Variants in ITGA11 observed in about 807,000 individuals in gnomAD.
ITGA11 encodes integrin alpha-11.
In ITGA11, 97 loss-of-function variants were observed where a neutral mutation model predicts 141.9. That is an observed-to-expected ratio of 0.68 (90% CI 0.58 to 0.81). ITGA11 has a LOEUF of 0.81. ITGA11 is among the 30% of genes least tolerant of loss of function. The probability of loss-of-function intolerance (pLI) is 0.00; values close to 1 mark genes in which losing one functional copy is unlikely to be tolerated. For synonymous variants in ITGA11, 658 were observed against 624.6 expected (o/e 1.05, Z -0.80); for missense variants, 1,387 against 1,559.2 (o/e 0.89, Z 1.86).
intron 1 of ITGA11, among the ~76,000 whole-genome samples, chr15:68,426,188 C>A (rs181217699): frequency 6.6e-6 from 1 of 152,222 alleles, no homozygotes; most frequent in African/African-American, 2.4e-5. Context: ...ATTCCTTGGG[C>A]TCAAGGCACA....
Position 68,357,155 on chromosome 15 carries a change from C to A in ITGA11, c.745G>T (p.Ala249Ser), listed in dbSNP as rs748517943. 1 of 1,609,434 alleles carries A rather than the reference C, an allele frequency of 6.2e-7. No individual in the cohort carries two copies. The highest frequency in any genetic ancestry group is 8.5e-7 in the Non-Finnish European group (1 of 1,178,772). ...TTTGTTCTACTTTTTTTTTACCGTG[C>A]AAATTCAATGCCAAATGCCGTCCGG... ...ETRTAFGIEF[A>S]RSEAFQKGGR... The change falls in exon 7 of 30, where the codon GCA (alanine) becomes TCA (serine). Residue 249 changes from alanine to serine, a missense_variant. Transcript: ENST00000315757.
intron 1 of ITGA11, among the ~76,000 whole-genome samples, chr15:68,430,330 T>C (rs978332500): frequency 6.6e-6 from 1 of 152,194 alleles, no homozygotes; most frequent in Non-Finnish European, 1.5e-5. Context: ...AGTGCCTTAG[T>C]GCATCCTGAC....
rs945246742 is a variant in ITGA11, at chr15:68,328,376, G to A, written c.1902-114C>T. The A allele has an allele frequency of 3.3e-6, 3 of 918,342 alleles. No individual in the cohort carries two copies. Among genetic ancestry groups the A allele is most frequent in the South Asian group, 1.6e-5 (1 of 61,982 alleles). The allele number at this position is 918,342 out of a possible 1,614,324, so 56.9% of individuals were successfully genotyped here. Reference sequence around the variant, plus strand: ...GTGGGATCTGCAAAGCCACTGGAGGGGGTGAGGTGGAGGATGGAGGGGGCG... The same window carrying A: ...GTGGGATCTGCAAAGCCACTGGAGGAGGTGAGGTGGAGGATGGAGGGGGCG... On this transcript the variant is annotated intron_variant, in intron 15 of 29. Transcript: ENST00000315757. The surrounding 1 kb of genome is among the most constrained non-coding windows in gnomAD (Gnocchi z 4.8).
At position 68,311,379 on chromosome 15, in the gene ITGA11, T is replaced by A; in HGVS notation, c.2998A>T (p.Ile1000Phe). The part of the protein sequence containing the change: ...FRIQNLGLFP[I>F]HGMMMKITIP... ...GTGATCTTCATCATCATCCCGTGGA[T>A]GGGGAACAAGCCCAAGTTCTGGATC... The change falls in exon 25 of 30, where the codon ATC becomes TTC. Residue 1000 changes from isoleucine to phenylalanine, a missense_variant. Coordinates refer to ENST00000315757, the MANE Select transcript of ITGA11 (RefSeq NM_001004439.2). 1 of 1,567,854 alleles carries A rather than the reference T, an allele frequency of 6.4e-7. No homozygotes were observed. Among genetic ancestry groups the A allele is most frequent in the Non-Finnish European group, 8.7e-7 (1 of 1,155,136 alleles).
chr15:68,311,172 C>A, intron 25 of ITGA11, 92 bp from the exon 26 acceptor site: 1 of 1,295,488 alleles, frequency 7.7e-7, no homozygotes, highest in South Asian at 1.3e-5. Context: ...TTTTCTCCTC[C>A]TCTAGCCGTG....
In ITGA11 at chr15:68,358,459, T is replaced by C; in HGVS notation, c.599A>G (p.Gln200Arg). 6.2e-7 allele frequency: 1 copy of C among 1,607,966 alleles called. No homozygotes were observed. The highest frequency in any genetic ancestry group is 8.5e-7 in the Non-Finnish European group (1 of 1,177,146). ...KKFYIGPGQI[Q>R]VGVVQYGEDV... ...GGAAAGAGCCCAAGAGATGCTCACC[T>C]GGATCTGCCCTGGGCCAATGTAAAA... The change falls in exon 6 of 30, where the codon CAG becomes CGG. Residue 200 changes from glutamine (Q) to arginine (R), a missense_variant and splice_region_variant. Coordinates refer to ENST00000315757, the MANE Select transcript of ITGA11 (RefSeq NM_001004439.2).
At chr15:68,373,379 G>A (rs1895645437) in intron 2 of ITGA11, among the ~76,000 whole-genome samples, 1 of 152,194 alleles carries the variant, frequency 6.6e-6, no homozygotes, top group Admixed American at 6.5e-5. Context: ...CAACTGTGGG[G>A]GCTTTTGGCT....
chr15:68,417,304 T>C (rs1896910950), intron 1 of ITGA11, among the ~76,000 whole-genome samples: 1 of 152,232 alleles, frequency 6.6e-6, no homozygotes, highest in South Asian at 2.1e-4. Flanking sequence ...ACCAGATGGC[T>C]CAAGCCAGAA....
intron 10 of ITGA11, 43 bp downstream of exon 10, chr15:68,348,785 CGA>C: frequency 4.6e-6 from 7 of 1,537,656 alleles, no homozygotes; most frequent in Non-Finnish European, 6.2e-6. Context: ...AGCATGCCCT[CGA>C]GAGACAGAGG....
chr15:68,409,366 T>G (rs570092785), intron 1 of ITGA11, among the ~76,000 whole-genome samples: 112 of 152,226 alleles, frequency 7.4e-4, no homozygotes, highest in South Asian at 6.8e-3. Flanking sequence ...AAGTTGCAGA[T>G]AGACTTGCCT....
intron 4 of ITGA11, among the ~76,000 whole-genome samples, chr15:68,364,114 T>A (rs139548068): frequency 1.2e-4 from 18 of 152,316 alleles, no homozygotes; most frequent in Middle Eastern, 3.4e-3. Context: ...ACATGCCCTT[T>A]TCTTCCTTGC....
chr15:68,392,472 TG>T (rs2140392729), intron 2 of ITGA11, among the ~76,000 whole-genome samples: 1 of 152,186 alleles, frequency 6.6e-6, no homozygotes, highest in East Asian at 1.9e-4. Flanking sequence ...AAATAGGGAT[TG>T]GAGTTGGGGC....
At chr15:68,391,515 T>C (rs942969161) in intron 2 of ITGA11, among the ~76,000 whole-genome samples, 3 of 152,208 alleles carry the variant, frequency 2.0e-5, no homozygotes, top group African/African-American at 7.2e-5. Flanking sequence ...GATGATGCTG[T>C]GTTGGCTGCT....
At chr15:68,417,428 T>C (rs1301221746) in intron 1 of ITGA11, among the ~76,000 whole-genome samples, 1 of 152,220 alleles carries the variant, frequency 6.6e-6, no homozygotes, top group Admixed American at 6.5e-5. Context: ...TCTGCCATAC[T>C]TGGACTAAGC....
chr15:68,355,297 T>C (rs1895036803), intron 7 of ITGA11, among the ~76,000 whole-genome samples: 1 of 152,138 alleles, frequency 6.6e-6, no homozygotes, highest in African/African-American at 2.4e-5. Flanking sequence ...CATGGAGAAA[T>C]GCTCATTTAG....
At chr15:68,389,364 C>A (rs1036605894) in intron 2 of ITGA11, among the ~76,000 whole-genome samples, 1 of 152,240 alleles carries the variant, frequency 6.6e-6, no homozygotes, top group East Asian at 1.9e-4. Flanking sequence ...TAGTGCTGGG[C>A]CCTGTGGACA....
intron 2 of ITGA11, among the ~76,000 whole-genome samples, chr15:68,381,472 G>A (rs1895859479): frequency 6.6e-6 from 1 of 152,128 alleles, no homozygotes. Flanking sequence ...TATTCTGGGG[G>A]GAGTTTATTA....
At chr15:68,369,949 G>A (rs1015135696) in intron 2 of ITGA11, among the ~76,000 whole-genome samples, 2 of 152,296 alleles carry the variant, frequency 1.3e-5, no homozygotes, top group Non-Finnish European at 2.9e-5. Context: ...AAATTCAATG[G>A]CAAGTGTCCT....
intron 21 of ITGA11, among the ~76,000 whole-genome samples, chr15:68,316,029 C>G (rs1354234393): frequency 1.3e-5 from 2 of 152,238 alleles, no homozygotes; most frequent in Non-Finnish European, 2.9e-5. Flanking sequence ...AACCAGAAAG[C>G]AGCAAGTCCA....
Sources: allele counts gnomAD v4.1 joint callset (sites outside exome capture counted in the v4.1 genomes callset), GRCh38; gene constraint gnomAD v4.1.1; non-coding constraint Gnocchi (gnomAD v3.1); transcripts MANE v1.5; gene names NCBI Gene and HGNC (gene_info 2026-07-23, HGNC 2026-07-21).